The following CNBD1 variants were observed in gnomAD, a reference collection of about 807,000 sequenced individuals.
CNBD1 encodes cyclic nucleotide-binding domain-containing protein 1.
A neutral mutation model predicts 54.4 loss-of-function variants in CNBD1; 71 were observed. The ratio of observed to expected loss-of-function variants is 1.30; its 90% CI spans 1.08 to 1.59. The LOEUF (loss-of-function observed/expected upper bound fraction) is 1.59, where lower values mean the gene tolerates loss of function less well. CNBD1 is among the 40% of genes most tolerant of loss of function. CNBD1 has a pLI of 0.00. For synonymous variants in CNBD1, 182 were observed against 170.7 expected (o/e 1.07, Z -0.51); for missense variants, 659 against 518.0 (o/e 1.27, Z -2.64).
chr8:87,088,882 C>T (rs548546162), intron 4 of CNBD1, among the ~76,000 whole-genome samples: 1 of 152,150 alleles, frequency 6.6e-6, no homozygotes, highest in Non-Finnish European at 1.5e-5. Context: ...AAAAAACTGA[C>T]AATCTGTTAG....
intron 8 of CNBD1, among the ~76,000 whole-genome samples, chr8:87,333,204 A>T (rs1342724667): frequency 6.6e-6 from 1 of 152,010 alleles, no homozygotes; most frequent in African/African-American, 2.4e-5. Flanking sequence ...AATGCTTGTC[A>T]TTTTTGCACA....
At chr8:86,994,342 G>A (rs1808822009) in intron 4 of CNBD1, among the ~76,000 whole-genome samples, 1 of 152,248 alleles carries the variant, frequency 6.6e-6, no homozygotes, top group South Asian at 2.1e-4. Flanking sequence ...GGCCCTGGTA[G>A]GGACTGGTGG....
intron 8 of CNBD1, among the ~76,000 whole-genome samples, chr8:87,331,254 G>C (rs552196441): frequency 2.0e-5 from 3 of 151,998 alleles, no homozygotes; most frequent in Admixed American, 6.6e-5. Flanking sequence ...GTTGTTCCCC[G>C]ATGTGTGTCC....
At chr8:87,362,374 G>C (rs1278057495) in intron 10 of CNBD1, among the ~76,000 whole-genome samples, 1 of 152,062 alleles carries the variant, frequency 6.6e-6, no homozygotes, top group Non-Finnish European at 1.5e-5. Flanking sequence ...CCAAGTTCAG[G>C]AGGAAGTGTT....
chr8:87,193,863 A>C (rs958431385), intron 4 of CNBD1, among the ~76,000 whole-genome samples: 30 of 152,194 alleles, frequency 2.0e-4, no homozygotes, highest in African/African-American at 6.5e-4. Context: ...CCAGTAATTT[A>C]GAATAAGAGT....
chr8:86,981,136 A>C (rs547890959), intron 4 of CNBD1, among the ~76,000 whole-genome samples: 10 of 152,322 alleles, frequency 6.6e-5, no homozygotes, highest in African/African-American at 2.4e-4. Context: ...AGACTATGGA[A>C]AGACTCTGGC....
At chr8:87,054,759 G>A (rs1278639991) in intron 4 of CNBD1, among the ~76,000 whole-genome samples, 1 of 152,178 alleles carries the variant, frequency 6.6e-6, no homozygotes, top group Non-Finnish European at 1.5e-5. Context: ...ACCTTTGGTT[G>A]CCTGAGGACC....
At chr8:87,296,180 T>C (rs1808872633) in intron 8 of CNBD1, among the ~76,000 whole-genome samples, 1 of 152,204 alleles carries the variant, frequency 6.6e-6, no homozygotes, top group Non-Finnish European at 1.5e-5. Context: ...AAGCAATTCG[T>C]ATTGGATGTT....
At chr8:87,331,132 G>A (rs1032387245) in intron 8 of CNBD1, among the ~76,000 whole-genome samples, 2 of 152,100 alleles carry the variant, frequency 1.3e-5, no homozygotes, top group Non-Finnish European at 2.9e-5. Context: ...ATATGCCATT[G>A]TGGTTTGCTG....
intron 4 of CNBD1, among the ~76,000 whole-genome samples, chr8:87,162,111 C>T (rs1230749639): frequency 6.6e-6 from 1 of 151,994 alleles, no homozygotes; most frequent in Non-Finnish European, 1.5e-5. Context: ...CTTTCTAAAA[C>T]ATAATCTTAG....
At chr8:87,053,372 A>G (rs551637256) in intron 4 of CNBD1, among the ~76,000 whole-genome samples, 6 of 152,334 alleles carry the variant, frequency 3.9e-5, no homozygotes, top group South Asian at 2.1e-4. Flanking sequence ...CTTTTTCTTC[A>G]GGGTCTGATG....
In CNBD1 at chr8:87,286,551, C is replaced by T. The variant is rs768082980; in HGVS notation, c.922C>T (p.Leu308Phe). ...CATTCTGTTTTAGGAAAAAATAAAA[C>T]TTGAAAATATGCAAAAGTTGAAATT... ...YAKIKEEKIK[L>F]ENMQKLKLIR... is the part of the protein sequence containing the mutation. Residue 308 changes from leucine to phenylalanine, a missense_variant, in exon 8 of 11, where the codon CTT becomes TTT. By Grantham distance (22) the Leu-to-Phe change is conservative. Transcript: ENST00000518476. 3.6e-5 allele frequency: 51 copies of T among 1,435,700 alleles called. No homozygotes were observed. The South Asian group carries it at 6.2e-4, about 18-fold the overall frequency. 88.9% of individuals were successfully genotyped at this position (1,435,700 alleles called of 1,614,324 possible).
At chr8:87,193,191 T>A (rs1354023462) in intron 4 of CNBD1, among the ~76,000 whole-genome samples, 2 of 152,280 alleles carry the variant, frequency 1.3e-5, no homozygotes, top group East Asian at 3.9e-4. Context: ...TTATCAAGTT[T>A]CCCATAGCAT....
intron 8 of CNBD1, among the ~76,000 whole-genome samples, chr8:87,304,272 G>A (rs2130885135): frequency 6.6e-6 from 1 of 152,216 alleles, no homozygotes; most frequent in Admixed American, 6.5e-5. Flanking sequence ...TTAAGAAAAT[G>A]TGGCGCATAT....
At chr8:86,935,009 G>GTTTATTTA (rs759798022) in intron 3 of CNBD1, among the ~76,000 whole-genome samples, 1 of 141,344 alleles carries the variant, frequency 7.1e-6, no homozygotes, top group Admixed American at 6.9e-5. Context: ...ATTTGGGTTT[G>GTTTATTTA]TTTGTTTGTT....
At chr8:86,992,777 A>G (rs1026290983) in intron 4 of CNBD1, among the ~76,000 whole-genome samples, 1 of 152,146 alleles carries the variant, frequency 6.6e-6, no homozygotes, top group Admixed American at 6.5e-5. Context: ...TTCTTTAAGG[A>G]TGCTGAAAAT....
At chr8:87,256,883 G>A (rs1808034846) in intron 6 of CNBD1, among the ~76,000 whole-genome samples, 1 of 151,670 alleles carries the variant, frequency 6.6e-6, no homozygotes, top group South Asian at 2.1e-4. Context: ...AGTGTGAATG[G>A]CAAGGACAGT....
At chr8:87,201,059 G>T (rs2130793615) in intron 4 of CNBD1, among the ~76,000 whole-genome samples, 1 of 151,906 alleles carries the variant, frequency 6.6e-6, no homozygotes, top group South Asian at 2.1e-4. Context: ...GGACCAAATG[G>T]AATTTATTCC....
chr8:87,216,883 G>A (rs1309589249), intron 5 of CNBD1, among the ~76,000 whole-genome samples: 1 of 152,132 alleles, frequency 6.6e-6, no homozygotes, highest in African/African-American at 2.4e-5. Context: ...AGGTTTTGAT[G>A]GGTAATCTAA....
Sources: gnomAD v4.1 joint callset for allele counts (sites outside exome capture counted in the v4.1 genomes callset) on GRCh38, gnomAD v4.1.1 for gene constraint, MANE v1.5 for transcripts, NCBI Gene and HGNC (gene_info 2026-07-23, HGNC 2026-07-21) for gene names.